CDKAL1: variants seen among roughly 807,000 people sequenced by gnomAD.
The protein encoded by CDKAL1 is CDKAL1 threonylcarbamoyladenosine tRNA methylthiotransferase.
A neutral mutation model predicts 68.2 loss-of-function variants in CDKAL1; 32 were observed. That is an observed-to-expected ratio of 0.47 (90% CI 0.35 to 0.63). The LOEUF is 0.63. Among genes scored for constraint, CDKAL1 ranks in the 30% least tolerant of loss-of-function variants. The pLI, the probability that CDKAL1 is intolerant of heterozygous loss-of-function variation, is 0.00. For missense variants in CDKAL1, 606 were observed against 696.7 expected, an observed-to-expected ratio of 0.87 and a Z score of 1.47; for synonymous variants, 234 against 244.3, an observed-to-expected ratio of 0.96 and a Z score of 0.39.
At chr6:20,795,430 A>G (rs759497520) in intron 8 of CDKAL1, among the ~76,000 whole-genome samples, 1 of 152,158 alleles carries the variant, frequency 6.6e-6, no homozygotes, top group Non-Finnish European at 1.5e-5. Context: ...AGCATCTAGA[A>G]TGATATTAGC....
rs1778676307 is a variant in CDKAL1, at chr6:21,201,216, T to C, written c.1490T>C (p.Val497Ala). Residue 497 changes from valine to alanine, a missense_variant, in exon 15 of 16, where the codon GTG becomes GCG. Transcript: ENST00000274695. The part of the protein sequence containing the change: ...MKGQPVSDAK[V>A]YTPSISKPLA... ...GGGCAGCCAGTATCTGATGCCAAAGTGTACACGCCCTCCATCAGCAAACCG... is the reference window on the plus strand; with the variant it reads ...GGGCAGCCAGTATCTGATGCCAAAGCGTACACGCCCTCCATCAGCAAACCG... 1.9e-6 allele frequency: 3 copies of C among 1,613,656 alleles called. No individual in the cohort carries two copies. Among genetic ancestry groups the C allele is most frequent in the Admixed American group, 3.3e-5 (2 of 59,996 alleles).
intron 11 of CDKAL1, among the ~76,000 whole-genome samples, chr6:21,042,734 C>G (rs1770000346): frequency 6.6e-6 from 1 of 152,172 alleles, no homozygotes; most frequent in Non-Finnish European, 1.5e-5. Flanking sequence ...CCAGAATCAT[C>G]TTACTGATGT....
In CDKAL1 at chr6:20,698,784, T is replaced by C. The variant is rs1771216910; in HGVS notation, c.372-40735T>C. On this transcript the variant is annotated intron_variant, in intron 5 of 15. Coordinates refer to ENST00000274695, the MANE Select transcript of CDKAL1 (RefSeq NM_017774.3). ...TTTAAAGGAGTCAGTCTTGTCATGG[T>C]AAAAATTGTGGTAAAGATAAGGTGA... Among the ~76,000 whole-genome samples, 5 of 152,312 alleles carry C rather than the reference T, an allele frequency of 3.3e-5. No homozygotes were observed. The South Asian group carries it at 1.0e-3, about 32-fold the overall frequency.
chr6:20,696,980 C>G (rs1771135690), intron 5 of CDKAL1, among the ~76,000 whole-genome samples: 1 of 152,180 alleles, frequency 6.6e-6, no homozygotes, highest in African/African-American at 2.4e-5. Context: ...TTACCACATA[C>G]TTCACTACTG....
At chr6:20,575,868 T>C (rs1182773358) in intron 4 of CDKAL1, among the ~76,000 whole-genome samples, 4 of 152,180 alleles carry the variant, frequency 2.6e-5, no homozygotes, top group Non-Finnish European at 5.9e-5. Context: ...GTCATTTCCA[T>C]GGCAACACAC....
chr6:20,962,899 T>C (rs1765121056), intron 10 of CDKAL1, among the ~76,000 whole-genome samples: 1 of 152,218 alleles, frequency 6.6e-6, no homozygotes, highest in Admixed American at 6.5e-5. Context: ...TTTTTTGCCA[T>C]TTATAATCAT....
chr6:20,638,584 G>A (rs934482651), intron 4 of CDKAL1, among the ~76,000 whole-genome samples: 5 of 150,428 alleles, frequency 3.3e-5, no homozygotes, highest in African/African-American at 1.2e-4. Context: ...AACTTTTTTT[G>A]ACTTACAGAA....
chr6:20,725,902 A>C (rs568781271), intron 5 of CDKAL1, among the ~76,000 whole-genome samples: 1 of 152,104 alleles, frequency 6.6e-6, no homozygotes, highest in Non-Finnish European at 1.5e-5. Context: ...AAACCATATA[A>C]ATTTCATCAG....
intron 9 of CDKAL1, among the ~76,000 whole-genome samples, chr6:20,853,389 AAC>A (rs369915092): frequency 0.41 from 21,600 of 52,904 alleles, 2,367 homozygotes; most frequent in African/African-American, 0.44. Context: ...CAAAAAACAA[AAC>A]AAAAAAAAAA....
chr6:20,738,028 C>A (rs1163113159), intron 5 of CDKAL1, among the ~76,000 whole-genome samples: 2 of 152,100 alleles, frequency 1.3e-5, no homozygotes, highest in Non-Finnish European at 2.9e-5. Context: ...GGTTTAGAGA[C>A]CTTTTACTTT....
intron 4 of CDKAL1, among the ~76,000 whole-genome samples, chr6:20,611,323 A>G (rs1029040102): frequency 3.9e-5 from 6 of 152,196 alleles, no homozygotes; most frequent in South Asian, 2.1e-4. Flanking sequence ...ATTTCTGGCA[A>G]TCCTGTTATA....
intron 12 of CDKAL1, among the ~76,000 whole-genome samples, chr6:21,089,497 C>T (rs186497615): frequency 2.0e-5 from 3 of 151,878 alleles, no homozygotes; most frequent in African/African-American, 4.8e-5. Flanking sequence ...AACAAAAGTG[C>T]AAATAGCAAA....
intron 5 of CDKAL1, among the ~76,000 whole-genome samples, chr6:20,711,490 G>A (rs73732745): frequency 0.019 from 2,878 of 152,214 alleles, 76 homozygotes; most frequent in African/African-American, 0.065. Context: ...GTAGCATGGC[G>A]GAATGATAAT....
chr6:21,069,778 T>C lies in CDKAL1; in HGVS notation c.1236+4550T>C, dbSNP rs796719811. ...AAAATCCCCCAGATTTTCTTTCTTT[T>C]TTTTTTTTTTTTTTTTTTTTTTTTT... On this transcript the variant is annotated intron_variant, in intron 12 of 15. Transcript: ENST00000274695. 2.1e-4 allele frequency among the ~76,000 whole-genome samples: 12 copies of C among 57,870 alleles called. No homozygotes were observed. The East Asian group carries it at 9.3e-3, about 45-fold the overall frequency. 38.0% of individuals were successfully genotyped at this position (57,870 alleles called of 152,430 possible).
At chr6:21,001,660 A>G (rs1257709354) in intron 11 of CDKAL1, among the ~76,000 whole-genome samples, 1 of 152,208 alleles carries the variant, frequency 6.6e-6, no homozygotes, top group Non-Finnish European at 1.5e-5. Context: ...TGTTAGGCTA[A>G]AGAATATAGA....
chr6:21,151,356 G>T (rs1422987808), intron 13 of CDKAL1, among the ~76,000 whole-genome samples: 1 of 152,226 alleles, frequency 6.6e-6, no homozygotes, highest in Non-Finnish European at 1.5e-5. Context: ...CAGTTTTTGT[G>T]TGTTACCTAG....
At chr6:20,552,924 C>T (rs1763890042) in intron 4 of CDKAL1, among the ~76,000 whole-genome samples, 1 of 152,026 alleles carries the variant, frequency 6.6e-6, no homozygotes, top group Non-Finnish European at 1.5e-5. Flanking sequence ...ACTTTCATTA[C>T]TATGGAATAA....
chr6:20,716,627 T>C (rs565500727), intron 5 of CDKAL1, among the ~76,000 whole-genome samples: 10 of 152,096 alleles, frequency 6.6e-5, no homozygotes, highest in Admixed American at 1.3e-4. Context: ...TTGGTACCAT[T>C]TATCTGAGAT....
At chr6:20,593,616 A>C (rs1237114488) in intron 4 of CDKAL1, among the ~76,000 whole-genome samples, 1 of 129,096 alleles carries the variant, frequency 7.7e-6, no homozygotes, top group Non-Finnish European at 1.7e-5. Flanking sequence ...AAAAAAAAAA[A>C]AAGAAACCCA....
Sources: allele counts gnomAD v4.1 joint callset (sites outside exome capture counted in the v4.1 genomes callset), GRCh38; gene constraint gnomAD v4.1.1; transcripts MANE v1.5; gene names NCBI Gene and HGNC (gene_info 2026-07-23, HGNC 2026-07-21).